The following SOX5 variants were observed in gnomAD, a reference collection of about 807,000 sequenced individuals.
SOX5 encodes the protein SRY-box transcription factor 5.
In SOX5, 9 loss-of-function variants were observed where a neutral mutation model predicts 92.0. The ratio of observed to expected loss-of-function variants is 0.10; its 90% confidence interval spans 0.06 to 0.17. The LOEUF (loss-of-function observed/expected upper bound fraction) is 0.17, where lower values mean the gene tolerates loss of function less well. Ranked by LOEUF, SOX5 falls within the 10% of genes least tolerant of loss-of-function variation. SOX5 has a pLI of 1.00. For missense variants in SOX5, 642 were observed against 944.5 expected (o/e 0.68, Z 4.20); for synonymous variants, 344 against 336.3 (o/e 1.02, Z -0.25).
At chr12:24,496,755 A>C (rs182771576) in intron 1 of SOX5, among the ~76,000 whole-genome samples, 15 of 152,348 alleles carry the variant, frequency 9.8e-5, no homozygotes, top group Non-Finnish European at 2.1e-4. Context: ...ATGAGAATAA[A>C]AGAGCACCCA....
At chr12:24,431,673 T>C (rs1032147886) in intron 1 of SOX5, among the ~76,000 whole-genome samples, 2 of 152,220 alleles carry the variant, frequency 1.3e-5, no homozygotes, top group Non-Finnish European at 2.9e-5. Context: ...ACATCTTGCA[T>C]AGCAGAAACT....
chr12:24,461,333 G>C (rs1943602575), intron 1 of SOX5, among the ~76,000 whole-genome samples: 1 of 152,032 alleles, frequency 6.6e-6, no homozygotes, highest in African/African-American at 2.4e-5. Context: ...TAGTGATGCT[G>C]TTACTGTGCA....
At chr12:24,292,357 C>A (rs1390276616) in intron 2 of SOX5, among the ~76,000 whole-genome samples, 3 of 152,092 alleles carry the variant, frequency 2.0e-5, no homozygotes, top group African/African-American at 4.8e-5. Context: ...ATTTGAAAAT[C>A]TATTTAAAAG....
intron 11 of SOX5, among the ~76,000 whole-genome samples, chr12:23,550,418 T>C (rs1182978364): frequency 6.6e-6 from 1 of 151,944 alleles, no homozygotes; most frequent in Non-Finnish European, 1.5e-5. Flanking sequence ...AGATTCTCAT[T>C]AGTTTGAAAA....
At chr12:24,558,377 T>C (rs981608531) in intron 1 of SOX5, among the ~76,000 whole-genome samples, 1 of 152,140 alleles carries the variant, frequency 6.6e-6, no homozygotes, top group Non-Finnish European at 1.5e-5. Context: ...CCCGCGAAAT[T>C]CCGCTAACTC....
intron 1 of SOX5, among the ~76,000 whole-genome samples, chr12:24,374,760 C>A (rs1360197055): frequency 6.6e-6 from 1 of 152,110 alleles, no homozygotes; most frequent in East Asian, 1.9e-4. Context: ...ACTCAAGGAC[C>A]AGCATGAATA....
intron 2 of SOX5, among the ~76,000 whole-genome samples, chr12:24,342,613 C>G (rs374087379): frequency 2.6e-5 from 4 of 152,220 alleles, no homozygotes; most frequent in East Asian, 1.9e-4. Flanking sequence ...GATTTCTTAC[C>G]TATCTTCCTT....
At chr12:24,154,738 A>G (rs1245471556) in intron 4 of SOX5, among the ~76,000 whole-genome samples, 2 of 152,166 alleles carry the variant, frequency 1.3e-5, no homozygotes, top group African/African-American at 2.4e-5. Context: ...AAATACATTT[A>G]AAGTGGTGAA....
chr12:24,332,762 C>T (rs899564834), intron 2 of SOX5, among the ~76,000 whole-genome samples: 1 of 151,970 alleles, frequency 6.6e-6, no homozygotes, highest in Non-Finnish European at 1.5e-5. Flanking sequence ...CATTTGAAAT[C>T]TACACTGACA....
chr12:23,571,560 C>T (rs989357514), intron 10 of SOX5, among the ~76,000 whole-genome samples: 2 of 151,792 alleles, frequency 1.3e-5, no homozygotes, highest in Admixed American at 6.6e-5. Flanking sequence ...GATAAATGGC[C>T]GAGAAGAGCA....
chr12:23,942,015 A>G (rs560018721), intron 1 of SOX5, among the ~76,000 whole-genome samples: 27 of 151,818 alleles, frequency 1.8e-4, no homozygotes, highest in Non-Finnish European at 3.0e-4. Context: ...CCATTGCCCA[A>G]CAAACACTGG....
At chr12:23,909,739 T>G (rs972436154) in intron 1 of SOX5, among the ~76,000 whole-genome samples, 2 of 152,112 alleles carry the variant, frequency 1.3e-5, no homozygotes, top group Non-Finnish European at 2.9e-5. Context: ...CTGACCACTG[T>G]CTGAGCTTAT....
intron 4 of SOX5, among the ~76,000 whole-genome samples, chr12:24,083,350 T>C (rs187718286): frequency 1.3e-5 from 2 of 152,168 alleles, no homozygotes; most frequent in Non-Finnish European, 1.5e-5. Context: ...ATTTAAAACA[T>C]GTACTGAGCA....
intron 3 of SOX5, chr12:24,223,248 A>G (rs1336683146): frequency 1.3e-5 from 2 of 152,214 alleles, no homozygotes; most frequent in African/African-American, 4.8e-5. Context: ...CCAGCATTCT[A>G]TCTGCACTTA....
At chr12:24,182,948 A>C (rs1034128245) in intron 4 of SOX5, among the ~76,000 whole-genome samples, 1 of 152,166 alleles carries the variant, frequency 6.6e-6, no homozygotes, top group South Asian at 2.1e-4. Context: ...TCCTGGCCTC[A>C]GGTGATCCAT....
chr12:23,874,615 C>G (rs912825016), intron 2 of SOX5, among the ~76,000 whole-genome samples: 9 of 152,020 alleles, frequency 5.9e-5, no homozygotes, highest in African/African-American at 2.2e-4. Context: ...TAGCCCAAAG[C>G]TAGAGTTATA....
At chr12:23,563,187 T>C in intron 11 of SOX5, 71 bp downstream of exon 11, 2 of 1,237,520 alleles carry the variant, frequency 1.6e-6, no homozygotes, top group South Asian at 2.7e-5. Flanking sequence ...GATGGAAATA[T>C]ATTTTTTTTA....
intron 6 of SOX5, among the ~76,000 whole-genome samples, chr12:23,668,764 G>C (rs1014020335): frequency 6.6e-6 from 1 of 152,066 alleles, no homozygotes; most frequent in African/African-American, 2.4e-5. Context: ...ATACACATAA[G>C]AGGCTACTTC....
intron 1 of SOX5, among the ~76,000 whole-genome samples, chr12:24,486,185 C>A (rs1339141661): frequency 6.6e-6 from 1 of 152,316 alleles, no homozygotes; most frequent in African/African-American, 2.4e-5. Context: ...GATCCTCCCA[C>A]CTTGGCTTCC....
Sources: gnomAD v4.1 joint callset for allele counts (sites outside exome capture counted in the v4.1 genomes callset) on GRCh38, gnomAD v4.1.1 for gene constraint, MANE v1.5 for transcripts, NCBI Gene and HGNC (gene_info 2026-07-23, HGNC 2026-07-21) for gene names.